Variants in TRIM72 observed in about 807,000 individuals in gnomAD.
TRIM72 encodes tripartite motif containing 72, also known as tripartite motif-containing protein 72.
Under a neutral mutation model 31.6 loss-of-function variants are expected in TRIM72, and 33 were observed. The ratio of observed to expected loss-of-function variants is 1.04; its 90% CI spans 0.79 to 1.40. The LOEUF is 1.40. Ranked by LOEUF, TRIM72 falls within the 40% of genes most tolerant of loss-of-function variation. The pLI, the probability that TRIM72 is intolerant of heterozygous loss-of-function variation, is 0.00. For missense variants in TRIM72, 666 were observed against 682.7 expected (o/e 0.98, Z 0.27); for synonymous variants, 301 against 314.4 (o/e 0.96, Z 0.45).
At chr16:31,223,182 G>A (rs2079541453) in intron 6 of TRIM72, among the ~76,000 whole-genome samples, 1 of 152,178 alleles carries the variant, frequency 6.6e-6, no homozygotes, top group Admixed American at 6.6e-5. Context: ...TTGGTGGCAC[G>A]GGACGCTGGG....
At chr16:31,221,007 C>T (rs2079531006) in intron 5 of TRIM72, 89 bp downstream of exon 5, 3 of 1,525,034 alleles carry the variant, frequency 2.0e-6, no homozygotes, top group Non-Finnish European at 2.7e-6. Flanking sequence ...ACTATTGTGC[C>T]TGCACACCCG....
In TRIM72 at chr16:31,219,047, T is replaced by A. The variant is rs1426856049; in HGVS notation, c.391-48T>A. ...GCAGGTTTAGGATGGGAGGTGTGGG[T>A]TTTGGGTGGGTGGCATCCCCATCAC... On this transcript the variant is annotated intron_variant, in intron 2 of 6. Coordinates refer to ENST00000322122, the MANE Select transcript of TRIM72 (RefSeq NM_001008274.4). The surrounding 1 kb of genome is among the most constrained non-coding windows in gnomAD (Gnocchi z 4.2). 3 of 1,522,228 alleles carry A rather than the reference T, an allele frequency of 2.0e-6. No individual in the cohort carries two copies. The South Asian group carries it at 3.7e-5, about 19-fold the overall frequency. 94.3% of individuals were successfully genotyped at this position (1,522,228 alleles called of 1,614,324 possible).
Position 31,219,364 on chromosome 16 carries a change from G to A in TRIM72, c.562G>A (p.Gly188Ser), listed in dbSNP as rs776233456. 6.2e-7 allele frequency: 1 copy of A among 1,614,150 alleles called. No homozygotes were observed. The highest frequency in any genetic ancestry group is 1.1e-5 in the South Asian group (1 of 91,086). ...GCGGGTGTTCCTGGCTGCACTGGAG[G>A]GCTCCTTGGACCGCGAGGCAGAGCG... The part of the protein sequence containing the change: ...KMRVFLAALE[G>S]SLDREAERVR... Residue 188 changes from glycine to serine, a missense_variant, in exon 4 of 7, where the codon GGC (glycine) becomes AGC (serine). By Grantham distance (56) the Gly-to-Ser change is moderately conservative. Transcript: ENST00000322122. The surrounding 1 kb of genome is among the most constrained non-coding windows in gnomAD (Gnocchi z 4.2).
At chr16:31,223,008 C>T (rs2079540905) in intron 6 of TRIM72, 63 bp downstream of exon 6, 2 of 1,327,920 alleles carry the variant, frequency 1.5e-6, no homozygotes, top group Admixed American at 4.4e-5. Flanking sequence ...GCCCTAGCCA[C>T]CCTGGAGAGG....
Position 31,219,622 on chromosome 16 carries a change from GC to G in TRIM72, c.717+104del. 2 of 1,092,118 alleles carry G rather than the reference GC, an allele frequency of 1.8e-6. No individual in the cohort carries two copies. The highest frequency in any genetic ancestry group is 2.7e-6 in the Non-Finnish European group (2 of 751,038). The allele number at this position is 1,092,118 out of a possible 1,614,324, so 67.7% of individuals were successfully genotyped here. On this transcript the variant is annotated intron_variant, in intron 4 of 6. Coordinates refer to ENST00000322122, the MANE Select transcript of TRIM72 (RefSeq NM_001008274.4). The surrounding 1 kb of genome is among the most constrained non-coding windows in gnomAD (Gnocchi z 4.2). ...CCCAGAGAGGGGCAGGGATAAGCCA[GC>G]AGCACACAGCCGGGAGGGGCAGGCC... is the stretch of plus-strand genomic sequence containing the variant.
In TRIM72 at chr16:31,215,039, C is replaced by G. The variant is rs747286617; in HGVS notation, c.301C>G (p.Arg101Gly). The G allele has an allele frequency of 1.3e-6, 2 of 1,501,658 alleles. No homozygotes were observed. Among genetic ancestry groups the G allele is most frequent in the South Asian group, 2.5e-5 (2 of 79,956 alleles). 93.0% of individuals were successfully genotyped at this position (1,501,658 alleles called of 1,614,324 possible). The part of the protein sequence containing the change: ...DPLSIYCEQD[R>G]ALVCGVCASL... ...GCTGAGCATCTACTGCGAGCAGGAC[C>G]GCGCGCTGGTGTGCGGAGTGTGCGC... Residue 101 changes from arginine to glycine, a missense_variant, in exon 2 of 7, where the codon CGC becomes GGC. Arg to Gly is a moderately radical substitution (Grantham distance 125). Transcript: ENST00000322122. This position sits in a 1 kb window ranked among gnomAD's most constrained non-coding sequence, Gnocchi z 6.3.
chr16:31,224,499 C>T lies in TRIM72; in HGVS notation c.1178C>T (p.Ala393Val). 1 of 1,490,036 alleles carries T rather than the reference C, an allele frequency of 6.7e-7. No individual in the cohort carries two copies. Among genetic ancestry groups the T allele is most frequent in the Non-Finnish European group, 8.9e-7 (1 of 1,128,562 alleles). 92.3% of individuals were successfully genotyped at this position (1,490,036 alleles called of 1,614,324 possible). Residue 393 changes from alanine (A) to valine (V), a missense_variant, in exon 7 of 7, where the codon GCA (alanine) becomes GTA (valine). Coordinates refer to ENST00000322122, the MANE Select transcript of TRIM72 (RefSeq NM_001008274.4). Reference sequence around the variant, plus strand: ...CTGCGCGAGGGCAAGATCCTGGAGGCACACGTGGAGGCCAAGGAGCCGCGC... The same window carrying T: ...CTGCGCGAGGGCAAGATCCTGGAGGTACACGTGGAGGCCAAGGAGCCGCGC... ...LGLREGKILEAHVEAKEPRAL... is the reference protein window; with the variant it reads ...LGLREGKILEVHVEAKEPRAL...
Position 31,214,712 on chromosome 16 carries a change from C to T in TRIM72, c.-7-20C>T. On this transcript the variant is annotated intron_variant, in intron 1 of 6. Coordinates refer to ENST00000322122, the MANE Select transcript of TRIM72 (RefSeq NM_001008274.4). Reference sequence around the variant, plus strand: ...GCGCGGCGCCGCGGGGTCCCCCTAACCTACTCCTCCTCCACCCAGGCCCGC... The same window carrying T: ...GCGCGGCGCCGCGGGGTCCCCCTAATCTACTCCTCCTCCACCCAGGCCCGC... 6.5e-7 allele frequency: 1 copy of T among 1,549,116 alleles called. No individual in the cohort carries two copies. The highest frequency in any genetic ancestry group is 8.6e-7 in the Non-Finnish European group (1 of 1,159,408).
At chr16:31,221,646 A>AAGAAGGGCATTGCTGGGAGT (rs2079534727) in intron 5 of TRIM72, among the ~76,000 whole-genome samples, 1 of 102,594 alleles carries the variant, frequency 9.7e-6, no homozygotes, top group African/African-American at 3.9e-5. Context: ...TTGCTGGGAG[A>AAGAAGGGCATTGCTGGGAGT]AGAAGGGCAT....
intron 5 of TRIM72, 60 bp from the exon 6 acceptor site, chr16:31,222,767 T>TGGG: frequency 1.4e-6 from 1 of 707,616 alleles, no homozygotes. Flanking sequence ...GATCCTGGAA[T>TGGG]CCCCCCAGCC....
chr16:31,222,359 C>G (rs890420049), intron 5 of TRIM72, among the ~76,000 whole-genome samples: 8 of 150,218 alleles, frequency 5.3e-5, no homozygotes, highest in Non-Finnish European at 1.0e-4. Context: ...TGCCACTACA[C>G]CCCAGCCTGG....
chr16:31,224,695 C>T lies in TRIM72; in HGVS notation c.1374C>T (p.His458=), dbSNP rs1481486057. ...ACCCCTTCTTCGACGTGTGCTGGCA[C>T]GACAAGGGCAAGAATGCCCAGCCGC... is the stretch of plus-strand genomic sequence containing the variant. ...PVYPFFDVCW[H]DKGKNAQPLL... The change falls in exon 7 of 7, where the codon CAC becomes CAT. Residue 458 remains histidine (H), a synonymous_variant. Coordinates refer to ENST00000322122, the MANE Select transcript of TRIM72 (RefSeq NM_001008274.4). 1.3e-6 allele frequency: 2 copies of T among 1,544,212 alleles called. No homozygotes were observed. The highest frequency in any genetic ancestry group is 1.2e-5 in the South Asian group (1 of 84,760).
chr16:31,219,041 T>A lies in TRIM72; in HGVS notation c.391-54T>A. 1 of 1,489,316 alleles carries A rather than the reference T, an allele frequency of 6.7e-7. No homozygotes were observed. The highest frequency in any genetic ancestry group is 9.1e-7 in the Non-Finnish European group (1 of 1,099,506). The allele number at this position is 1,489,316 out of a possible 1,614,324, so 92.3% of individuals were successfully genotyped here. A position where few individuals can be genotyped will look rare whatever the true frequency, so the allele number is the denominator to read the frequency against. ...CAGAGGGCAGGTTTAGGATGGGAGG[T>A]GTGGGTTTTGGGTGGGTGGCATCCC... is the stretch of plus-strand genomic sequence containing the variant. On this transcript the variant is annotated intron_variant, in intron 2 of 6. Transcript: ENST00000322122. The surrounding 1 kb of genome is among the most constrained non-coding windows in gnomAD (Gnocchi z 4.2).
intron 6 of TRIM72, 46 bp from the exon 7 acceptor site, chr16:31,224,135 A>G (rs2079544872): frequency 1.3e-6 from 2 of 1,578,836 alleles, no homozygotes; most frequent in African/African-American, 1.3e-5. Context: ...AGAAGACCCC[A>G]GCGAGGCAGA....
Position 31,216,393 on chromosome 16 carries a change from T to C in TRIM72, c.390+1265T>C. ...TCCATGCTGTGGAAGCTTTGTTCTT[T>C]TGCTCTTTGCAATAAATCTTGCTGC... On this transcript the variant is annotated intron_variant, in intron 2 of 6. Transcript: ENST00000322122. This position sits in a 1 kb window ranked among gnomAD's most constrained non-coding sequence, Gnocchi z 6.7. The C allele has an allele frequency of 4.2e-6, 1 of 236,782 alleles. No individual in the cohort carries two copies. The allele number at this position is 236,782 out of a possible 1,614,324, so 14.7% of individuals were successfully genotyped here. A position where few individuals can be genotyped will look rare whatever the true frequency, so the allele number is the denominator to read the frequency against.
intron 6 of TRIM72, among the ~76,000 whole-genome samples, chr16:31,223,423 G>T (rs973976466): frequency 6.6e-6 from 1 of 152,194 alleles, no homozygotes; most frequent in Non-Finnish European, 1.5e-5. Flanking sequence ...AGAGCTCTGG[G>T]ACATACACAT....
In TRIM72 at chr16:31,219,527, C is replaced by T. The variant is rs781261892; in HGVS notation, c.717+8C>T. On this transcript the variant is annotated splice_region_variant and intron_variant, in intron 4 of 6. Transcript: ENST00000322122. The surrounding 1 kb of genome is among the most constrained non-coding windows in gnomAD (Gnocchi z 4.2). ...CAGACTGAGTTCCTCATGGTGAGCA[C>T]TGGGTGACCCCCCTCCCTGCCTCAG... 6.2e-7 allele frequency: 1 copy of T among 1,607,248 alleles called. No individual in the cohort carries two copies. Among genetic ancestry groups the T allele is most frequent in the South Asian group, 1.1e-5 (1 of 90,438 alleles).
rs1042405766 is a variant in TRIM72, at chr16:31,216,452, A to C, written c.390+1324A>C. 25 of 387,980 alleles carry C rather than the reference A, an allele frequency of 6.4e-5. No individual in the cohort carries two copies. The highest frequency in any genetic ancestry group is 2.7e-4 in the African/African-American group (13 of 48,394). The allele number at this position is 387,980 out of a possible 1,614,324, so 24.0% of individuals were successfully genotyped here. Reference sequence around the variant, plus strand: ...AAAAAACAAAAAACAAACAAACAAAAAAAACCCAACCTCGCCCAACCTTGC... The same window carrying C: ...AAAAAACAAAAAACAAACAAACAAACAAAACCCAACCTCGCCCAACCTTGC... On this transcript the variant is annotated intron_variant, in intron 2 of 6. Transcript: ENST00000322122. The surrounding 1 kb of genome is among the most constrained non-coding windows in gnomAD (Gnocchi z 6.7).
chr16:31,226,324 G>A lies in TRIM72; in HGVS notation c.*1569G>A, dbSNP rs1013107812. 2 of 152,168 alleles carry A rather than the reference G, an allele frequency of 1.3e-5. No individual in the cohort carries two copies. The highest frequency in any genetic ancestry group is 4.8e-5 in the African/African-American group (2 of 41,436). The allele number at this position is 152,168 out of a possible 1,614,324, so 9.4% of individuals were successfully genotyped here. ...CAAAGCAAAGACACTTAAGGGCTGG[G>A]TACTCATGCCTGTAAACCCAACACT... is the stretch of plus-strand genomic sequence containing the variant. On this transcript the variant is annotated 3_prime_UTR_variant, in exon 7 of 7. Coordinates refer to ENST00000322122, the MANE Select transcript of TRIM72 (RefSeq NM_001008274.4).
Sources: gnomAD v4.1 joint callset for allele counts (sites outside exome capture counted in the v4.1 genomes callset) on GRCh38, gnomAD v4.1.1 for gene constraint, Gnocchi (gnomAD v3.1) non-coding constraint, MANE v1.5 for transcripts, NCBI Gene and HGNC (gene_info 2026-07-23, HGNC 2026-07-21) for gene names.